The following DISC1 variants were observed in gnomAD, a reference collection of about 807,000 sequenced individuals.
The protein encoded by DISC1 is DISC1 scaffold protein.
DISC1 carries 57 observed loss-of-function variants against 84.5 expected under a neutral mutation model. That is an observed-to-expected ratio of 0.67 (90% CI 0.55 to 0.84). The LOEUF is 0.84. Among genes scored for constraint, DISC1 ranks in the 40% least tolerant of loss-of-function variants. DISC1 has a pLI of 0.00. For missense variants in DISC1, 1,000 were observed against 1,057.8 expected (o/e 0.95, Z 0.76); for synonymous variants, 411 against 415.2 (o/e 0.99, Z 0.12).
chr1:231,952,041 C>T (rs529259534), intron 9 of DISC1, among the ~76,000 whole-genome samples: 2 of 146,580 alleles, frequency 1.4e-5, no homozygotes, highest in South Asian at 2.2e-4. Flanking sequence ...TATAATCACG[C>T]CACTGCACTT....
intron 9 of DISC1, among the ~76,000 whole-genome samples, chr1:231,867,886 A>G (rs2085174074): frequency 6.6e-6 from 1 of 152,238 alleles, no homozygotes; most frequent in South Asian, 2.1e-4. Flanking sequence ...GGTTAAGACT[A>G]TCTGTAGAAG....
At chr1:231,653,668 T>TC (rs1403468475) in intron 1 of DISC1, among the ~76,000 whole-genome samples, 1 of 152,028 alleles carries the variant, frequency 6.6e-6, no homozygotes, top group Non-Finnish European at 1.5e-5. Flanking sequence ...GTTTTGCTTT[T>TC]CCCCTCACAC....
chr1:231,960,656 T>C (rs1007260015), intron 10 of DISC1, among the ~76,000 whole-genome samples: 2 of 152,218 alleles, frequency 1.3e-5, no homozygotes, highest in African/African-American at 4.8e-5. Context: ...CACAGAAGGC[T>C]TCTGTGATGA....
chr1:231,914,507 A>G (rs1260400071), intron 9 of DISC1, among the ~76,000 whole-genome samples: 1 of 152,206 alleles, frequency 6.6e-6, no homozygotes, highest in Non-Finnish European at 1.5e-5. Flanking sequence ...TGTGGGAAGG[A>G]AAATAGCCAT....
At chr1:231,999,709 C>T (rs1666407670) in intron 10 of DISC1, among the ~76,000 whole-genome samples, 1 of 152,150 alleles carries the variant, frequency 6.6e-6, no homozygotes, top group Non-Finnish European at 1.5e-5. Context: ...AAGAGACATT[C>T]AGTTACCTGA....
chr1:231,773,835 T>C (rs2076749333), intron 6 of DISC1, among the ~76,000 whole-genome samples: 1 of 152,154 alleles, frequency 6.6e-6, no homozygotes, highest in African/African-American at 2.4e-5. Flanking sequence ...AATCCGAACA[T>C]TCCCACTGAG....
intron 7 of DISC1, among the ~76,000 whole-genome samples, chr1:231,799,484 T>C (rs1207054045): frequency 6.6e-6 from 1 of 151,934 alleles, no homozygotes; most frequent in East Asian, 1.9e-4. Flanking sequence ...ACATGGTGTA[T>C]CATCTGAGAA....
chr1:231,640,784 CCT>C (rs1388752525), intron 1 of DISC1, among the ~76,000 whole-genome samples: 1 of 152,156 alleles, frequency 6.6e-6, no homozygotes, highest in Non-Finnish European at 1.5e-5. Flanking sequence ...AAACCTCCTG[CCT>C]CTGTCTCCCA....
chr1:231,886,805 T>TTCTTTCTTTC (rs1553384613), intron 9 of DISC1, among the ~76,000 whole-genome samples: 19 of 145,288 alleles, frequency 1.3e-4, no homozygotes, highest in Non-Finnish European at 2.9e-4. Context: ...CTTTCTTTCT[T>TTCTTTCTTTC]TCTTTCTTTC....
intron 10 of DISC1, among the ~76,000 whole-genome samples, chr1:231,978,531 G>A (rs1469796844): frequency 6.6e-6 from 1 of 152,112 alleles, no homozygotes; most frequent in Non-Finnish European, 1.5e-5. Context: ...AATAGTAACT[G>A]GTTTTCTAGC....
chr1:231,992,903 A>G (rs1665414910), intron 10 of DISC1, among the ~76,000 whole-genome samples: 1 of 152,204 alleles, frequency 6.6e-6, no homozygotes, highest in Non-Finnish European at 1.5e-5. Flanking sequence ...TAGGCTTCAT[A>G]GGGTTTTAAA....
chr1:231,767,333 T>G, intron 5 of DISC1, 64 bp downstream of exon 5: 3 of 1,595,008 alleles, frequency 1.9e-6, no homozygotes, highest in Non-Finnish European at 1.7e-6. Context: ...GACAGGGTCT[T>G]GCTCTGTTGC....
At chr1:231,767,325 C>T (rs1160515317) in intron 5 of DISC1, 56 bp downstream of exon 5, 2 of 1,603,978 alleles carry the variant, frequency 1.2e-6, no homozygotes, top group Non-Finnish European at 1.7e-6. Flanking sequence ...TTCTTTGAGA[C>T]AGGGTCTTGC....
At chr1:231,921,149 C>G (rs1391583196) in intron 9 of DISC1, among the ~76,000 whole-genome samples, 1 of 151,758 alleles carries the variant, frequency 6.6e-6, no homozygotes, top group Non-Finnish European at 1.5e-5. Context: ...CTCCTGACCT[C>G]GTGATCTGCC....
intron 3 of DISC1, among the ~76,000 whole-genome samples, chr1:231,712,915 A>G (rs933125931): frequency 1.3e-5 from 2 of 152,212 alleles, no homozygotes; most frequent in Admixed American, 6.5e-5. Context: ...AAATTAGGAC[A>G]TTCAAAAGCA....
chr1:231,942,795 A>G (rs531092218), intron 9 of DISC1, among the ~76,000 whole-genome samples: 1 of 152,368 alleles, frequency 6.6e-6, no homozygotes, highest in South Asian at 2.1e-4. Context: ...CCAGCCGCCC[A>G]TAGGTCCTTG....
intron 9 of DISC1, among the ~76,000 whole-genome samples, chr1:231,958,240 A>C (rs1225876831): frequency 1.3e-5 from 2 of 152,252 alleles, no homozygotes; most frequent in African/African-American, 4.8e-5. Context: ...GCTGAACCAT[A>C]GCAATCATTC....
chr1:231,729,327 C>CA (rs1451799511), intron 3 of DISC1, among the ~76,000 whole-genome samples: 1 of 152,132 alleles, frequency 6.6e-6, no homozygotes, highest in African/African-American at 2.4e-5. Context: ...TTTATAGCAG[C>CA]ATGTTTTATA....
At chr1:231,718,725 C>T (rs1029630036) in intron 3 of DISC1, among the ~76,000 whole-genome samples, 1 of 152,190 alleles carries the variant, frequency 6.6e-6, no homozygotes, top group Admixed American at 6.5e-5. Context: ...CATGAGCCAC[C>T]GCACCTGGCT....
Sources: gnomAD v4.1 joint callset for allele counts (sites outside exome capture counted in the v4.1 genomes callset) on GRCh38, gnomAD v4.1.1 for gene constraint, MANE v1.5 for transcripts, NCBI Gene and HGNC (gene_info 2026-07-23, HGNC 2026-07-21) for gene names.